ATP2B4: variants seen among roughly 807,000 people sequenced by gnomAD.
The protein encoded by ATP2B4 is plasma membrane calcium-transporting ATPase 4.
A neutral mutation model predicts 110.3 loss-of-function variants in ATP2B4; 39 were observed. That is an observed-to-expected ratio of 0.35 (90% CI 0.27 to 0.46). The LOEUF (loss-of-function observed/expected upper bound fraction) is 0.46, where lower values mean the gene tolerates loss of function less well. Among genes scored for constraint, ATP2B4 ranks in the 20% least tolerant of loss-of-function variants. The probability of loss-of-function intolerance (pLI) is 1.00; values close to 1 mark genes in which losing one functional copy is unlikely to be tolerated. For missense variants in ATP2B4, 1,135 were observed against 1,530.9 expected (o/e 0.74, Z 4.32); for synonymous variants, 538 against 571.7 (o/e 0.94, Z 0.84).
intron 2 of ATP2B4, among the ~76,000 whole-genome samples, chr1:203,694,735 A>G (rs777644526): frequency 6.6e-6 from 1 of 152,204 alleles, no homozygotes; most frequent in Non-Finnish European, 1.5e-5. Context: ...TGGATCTTAA[A>G]AAAGATCATT....
At chr1:203,679,243 A>T (rs1664922772) in intron 1 of ATP2B4, among the ~76,000 whole-genome samples, 4 of 152,142 alleles carry the variant, frequency 2.6e-5, no homozygotes, top group Non-Finnish European at 2.9e-5. Context: ...TTGCCTAATC[A>T]GATTAGGGGC....
At chr1:203,713,050 T>G in intron 13 of ATP2B4, 115 bp from the exon 14 acceptor site, 2 of 1,058,922 alleles carry the variant, frequency 1.9e-6, no homozygotes, top group South Asian at 2.8e-5. Flanking sequence ...AACACTTTCA[T>G]GTGGGACTGT....
intron 15 of ATP2B4, among the ~76,000 whole-genome samples, chr1:203,716,157 G>T (rs1571756652): frequency 3.5e-5 from 5 of 144,818 alleles, no homozygotes; most frequent in Admixed American, 3.4e-4. Context: ...ATGGGACTTG[G>T]CATATAGTTG....
rs35598967 is a variant in ATP2B4 at position 203,678,392 on chromosome 1, C to CTTTTT, written c.-464-4334_-464-4330dup. Among the ~76,000 whole-genome samples the CTTTTT allele has an allele frequency of 4.3e-3, 427 of 100,170 alleles. 21 individuals are homozygous for CTTTTT. The East Asian group carries it at 0.043, about 10-fold the overall frequency. 65.7% of individuals were successfully genotyped at this position (100,170 alleles called of 152,430 possible). On this transcript the variant is annotated intron_variant, in intron 1 of 20. Coordinates refer to ENST00000357681, the MANE Select transcript of ATP2B4 (RefSeq NM_001684.5). ...TCTGGCAGCTCCTCATTTCTAGAGG[C>CTTTTT]TTTTTTTTTTTTTTTTTTTTGAAGT...
At chr1:203,644,179 G>A (rs912872846) in intron 1 of ATP2B4, among the ~76,000 whole-genome samples, 1 of 151,452 alleles carries the variant, frequency 6.6e-6, no homozygotes, top group African/African-American at 2.4e-5. Flanking sequence ...GAACCCTGGA[G>A]GCAGAGGTGG....
At chr1:203,728,262 C>T (rs957425619) in intron 20 of ATP2B4, 2 of 456,418 alleles carry the variant, frequency 4.4e-6, no homozygotes, top group Non-Finnish European at 9.0e-6. Context: ...CCCTGCTGCT[C>T]TTATGTCCCC....
At position 203,742,531 on chromosome 1, in the gene ATP2B4, C is replaced by T. The variant is rs751765052; in HGVS notation, c.*2677C>T. On this transcript the variant is annotated 3_prime_UTR_variant, in exon 21 of 21. Transcript: ENST00000357681. Reference sequence around the variant, plus strand: ...AAGGGTCTGATGGGGAGAAGGAGAACGTATCATCCTAGCTTCCTCTCTTAA... The same window carrying T: ...AAGGGTCTGATGGGGAGAAGGAGAATGTATCATCCTAGCTTCCTCTCTTAA... The T allele has an allele frequency of 4.6e-5, 7 of 152,552 alleles. No individual in the cohort carries two copies. The highest frequency in any genetic ancestry group is 7.2e-5 in the African/African-American group (3 of 41,420). 9.4% of individuals were successfully genotyped at this position (152,552 alleles called of 1,614,324 possible).
chr1:203,652,777 ACAAT>A (rs1278113647), intron 1 of ATP2B4, among the ~76,000 whole-genome samples: 1 of 152,216 alleles, frequency 6.6e-6, no homozygotes. Context: ...AAGGCAGCAA[ACAAT>A]CAACAAATGT....
rs201454023 is a variant in ATP2B4, at chr1:203,712,039, G to A, written c.2111G>A (p.Arg704Gln). ...MVTGDNINTA[R>Q]AIATKCGILT... ...ACAGGTGACAACATCAACACAGCCC[G>A]GGCCATTGCCACCAAATGTGGCATT... is the stretch of plus-strand genomic sequence containing the variant. The change falls in exon 13 of 21, where the codon CGG becomes CAG. Residue 704 changes from arginine to glutamine, a missense_variant. By Grantham distance (43) the Arg-to-Gln change is conservative. Coordinates refer to ENST00000357681, the MANE Select transcript of ATP2B4 (RefSeq NM_001684.5). The A allele has an allele frequency of 5.1e-5, 82 of 1,614,120 alleles. No homozygotes were observed. Among genetic ancestry groups the A allele is most frequent in the Admixed American group, 1.7e-4 (10 of 60,010 alleles).
intron 15 of ATP2B4, 110 bp downstream of exon 15, chr1:203,714,387 C>CT: frequency 1.8e-6 from 2 of 1,098,980 alleles, no homozygotes; most frequent in East Asian, 2.4e-5. Flanking sequence ...CCATGGGGTG[C>CT]TTTTTTGTCC....
chr1:203,656,389 G>A (rs1415734925), intron 1 of ATP2B4, among the ~76,000 whole-genome samples: 2 of 152,072 alleles, frequency 1.3e-5, no homozygotes, highest in African/African-American at 2.4e-5. Context: ...AGAAAACAGT[G>A]CCAAGTAGGT....
rs1265399782 is a variant in ATP2B4, at chr1:203,739,553, T to C, written c.3317T>C (p.Val1106Ala). The C allele has an allele frequency of 2.5e-6, 4 of 1,613,166 alleles. No individual in the cohort carries two copies. Among genetic ancestry groups the C allele is most frequent in the Non-Finnish European group, 3.4e-6 (4 of 1,179,412 alleles). The change falls in exon 21 of 21, where the codon GTG becomes GCG. Residue 1106 changes from valine (V) to alanine (A), a missense_variant. Physicochemically the swap from Val to Ala is moderately conservative, Grantham distance 64 (BLOSUM62 0). Transcript: ENST00000357681. ...GLNRIQTQIK[V>A]VKAFHSSLHE... ...TTCCTTCCCCTGGTATAGATCAAAG[T>C]GGTCAAAGCGTTCCATAGTTCCCTC...
intron 9 of ATP2B4, among the ~76,000 whole-genome samples, 193 bp from the exon 10 acceptor site, chr1:203,707,669 G>C (rs1665888681): frequency 6.6e-6 from 1 of 152,124 alleles, no homozygotes; most frequent in South Asian, 2.1e-4. Flanking sequence ...GACCTCAGGT[G>C]ATCTGCCCGT....
chr1:203,661,298 A>G (rs1311909236), intron 1 of ATP2B4, among the ~76,000 whole-genome samples: 1 of 152,210 alleles, frequency 6.6e-6, no homozygotes, highest in Non-Finnish European at 1.5e-5. Flanking sequence ...CTTCTGCCAA[A>G]GTCGGGTTTG....
At chr1:203,628,331 A>G (rs1483028824) in intron 1 of ATP2B4, among the ~76,000 whole-genome samples, 3 of 152,112 alleles carry the variant, frequency 2.0e-5, no homozygotes, top group Non-Finnish European at 4.4e-5. Context: ...CTCTTCTCCA[A>G]CTGGGTGTGG....
intron 1 of ATP2B4, chr1:203,657,254 T>A: frequency 1.4e-6 from 1 of 714,350 alleles, no homozygotes; most frequent in South Asian, 1.6e-5. Flanking sequence ...CTTATTTAGG[T>A]GGTTTTCTTG....
At chr1:203,652,042 G>GTCT (rs1664012351) in intron 1 of ATP2B4, among the ~76,000 whole-genome samples, 1 of 129,560 alleles carries the variant, frequency 7.7e-6, no homozygotes, top group Non-Finnish European at 1.7e-5. Context: ...GAGTGACAGA[G>GTCT]CGAGACTCTG....
chr1:203,708,149 G>T, intron 10 of ATP2B4, 45 bp downstream of exon 10: 1 of 1,607,510 alleles, frequency 6.2e-7, no homozygotes, highest in South Asian at 1.1e-5. Flanking sequence ...GTGGTTGGAA[G>T]GGAACATCCA....
intron 1 of ATP2B4, among the ~76,000 whole-genome samples, chr1:203,641,941 C>T (rs1469488012): frequency 6.6e-6 from 1 of 152,154 alleles, no homozygotes; most frequent in Non-Finnish European, 1.5e-5. Context: ...GTGGATTTTG[C>T]TTTGGTAACT....
Sources: gnomAD v4.1 joint callset for allele counts (sites outside exome capture counted in the v4.1 genomes callset) on GRCh38, gnomAD v4.1.1 for gene constraint, MANE v1.5 for transcripts, NCBI Gene and HGNC (gene_info 2026-07-23, HGNC 2026-07-21) for gene names.